The following PEAK1 variants were observed in gnomAD, a reference collection of about 807,000 sequenced individuals.
The protein encoded by PEAK1 is inactive tyrosine-protein kinase PEAK1.
PEAK1 carries 54 observed loss-of-function variants against 124.7 expected under a neutral mutation model. That is an observed-to-expected ratio of 0.43 (90% CI 0.35 to 0.54). The LOEUF is 0.54. Ranked by LOEUF, PEAK1 falls within the 20% of genes least tolerant of loss-of-function variation. The pLI is 0.01. For missense variants in PEAK1, 2,046 were observed against 2,134.5 expected (o/e 0.96, Z 0.82); for synonymous variants, 719 against 760.0 (o/e 0.95, Z 0.89).
At chr15:77,307,176 A>G (rs1481422166) in intron 2 of PEAK1, among the ~76,000 whole-genome samples, 1 of 152,102 alleles carries the variant, frequency 6.6e-6, no homozygotes, top group African/African-American at 2.4e-5. Context: ...AACCATGACC[A>G]ATAGCCAAGC....
chr15:77,330,096 T>G (rs1021099352), intron 2 of PEAK1, among the ~76,000 whole-genome samples: 2 of 151,306 alleles, frequency 1.3e-5, no homozygotes, highest in Non-Finnish European at 3.0e-5. Context: ...GTCACTTTAG[T>G]TTTTTTTTAC....
chr15:77,283,384 T>C (rs1201343876), intron 5 of PEAK1, among the ~76,000 whole-genome samples: 9 of 152,150 alleles, frequency 5.9e-5, no homozygotes, highest in Admixed American at 5.9e-4. Context: ...CAAATTTTCA[T>C]ATCTGCAGAG....
At chr15:77,238,548 C>T (rs565031522) in intron 6 of PEAK1, among the ~76,000 whole-genome samples, 11 of 152,094 alleles carry the variant, frequency 7.2e-5, no homozygotes, top group Non-Finnish European at 1.3e-4. Context: ...TGGTACTCTC[C>T]TTCATGATAT....
chr15:77,128,737 T>C (rs1167136496), intron 9 of PEAK1, among the ~76,000 whole-genome samples: 1 of 152,238 alleles, frequency 6.6e-6, no homozygotes, highest in African/African-American at 2.4e-5. Context: ...TTTGTAAGCA[T>C]GTAACTTGTG....
At chr15:77,400,928 C>T (rs1237509961) in intron 1 of PEAK1, among the ~76,000 whole-genome samples, 5 of 152,074 alleles carry the variant, frequency 3.3e-5, no homozygotes, top group Admixed American at 1.3e-4. Flanking sequence ...TTTCTAATCT[C>T]TAAAATGAGA....
At chr15:77,192,667 T>C (rs553286928) in intron 6 of PEAK1, among the ~76,000 whole-genome samples, 1 of 152,288 alleles carries the variant, frequency 6.6e-6, no homozygotes, top group African/African-American at 2.4e-5. Context: ...CCCCTGGCCC[T>C]TGTGGGTGCC....
At chr15:77,259,944 C>G (rs549794287) in intron 5 of PEAK1, among the ~76,000 whole-genome samples, 6 of 152,252 alleles carry the variant, frequency 3.9e-5, no homozygotes, top group Admixed American at 6.5e-5. Context: ...CTAAAGTAAT[C>G]TGAATAAGGG....
intron 1 of PEAK1, among the ~76,000 whole-genome samples, chr15:77,390,031 A>G (rs947219399): frequency 6.6e-6 from 1 of 152,264 alleles, no homozygotes; most frequent in Non-Finnish European, 1.5e-5. Context: ...ATTAACCCTC[A>G]TAACAACCCT....
chr15:77,225,347 C>T (rs189488375), intron 6 of PEAK1, among the ~76,000 whole-genome samples: 156 of 151,998 alleles, frequency 1.0e-3, no homozygotes, highest in African/African-American at 3.7e-3. Flanking sequence ...TGAGACAGTA[C>T]ATTTCATTTG....
intron 8 of PEAK1, chr15:77,157,155 G>A (rs537873506): frequency 6.6e-6 from 1 of 152,156 alleles, no homozygotes; most frequent in African/African-American, 2.4e-5. Flanking sequence ...TTATTTCCAA[G>A]TACACTAGCT....
In PEAK1 at chr15:77,270,857, G is replaced by T. The variant is rs183921699; in HGVS notation, c.-275+13026C>A. 9.2e-5 allele frequency among the ~76,000 whole-genome samples: 14 copies of T among 152,208 alleles called. 1 individual carries two copies. The East Asian group carries it at 2.5e-3, about 27-fold the overall frequency. Reference sequence around the variant, plus strand: ...TGTCCTCTTTTATTTCGTTGAGCAGGATGTAGGCATGGGCAAGGACTTCAT... The same window carrying T: ...TGTCCTCTTTTATTTCGTTGAGCAGTATGTAGGCATGGGCAAGGACTTCAT... On this transcript the variant is annotated intron_variant, in intron 5 of 9. Coordinates refer to ENST00000682557, the MANE Select transcript of PEAK1 (RefSeq NM_001385026.1).
intron 6 of PEAK1, among the ~76,000 whole-genome samples, chr15:77,243,043 A>G (rs2060427749): frequency 6.6e-6 from 1 of 152,234 alleles, no homozygotes; most frequent in African/African-American, 2.4e-5. Flanking sequence ...TTCAATTAAG[A>G]AAAATTAATT....
chr15:77,107,332 T>C (rs554088168), downstream of PEAK1: 57 of 152,312 alleles, frequency 3.7e-4, no homozygotes, highest in Middle Eastern at 3.4e-3. Context: ...CAGAGAGCTT[T>C]TGGGTCCACA....
intron 1 of PEAK1, chr15:77,401,470 A>T (rs2071371844): frequency 1.1e-6 from 1 of 931,356 alleles, no homozygotes; most frequent in South Asian, 5.0e-5. Flanking sequence ...CATGACAGTC[A>T]ATCTGCACTA....
chr15:77,277,957 C>T (rs989746149), intron 5 of PEAK1, among the ~76,000 whole-genome samples: 2 of 152,106 alleles, frequency 1.3e-5, no homozygotes, highest in Non-Finnish European at 2.9e-5. Context: ...TTTATCCAAA[C>T]CCATAGAATG....
intron 6 of PEAK1, among the ~76,000 whole-genome samples, chr15:77,234,668 T>A (rs189101855): frequency 6.7e-6 from 1 of 148,948 alleles, no homozygotes; most frequent in African/African-American, 2.6e-5. Context: ...TACAGAAAAT[T>A]TTTTTTTTAA....
chr15:77,379,135 A>T (rs1353333616), intron 1 of PEAK1, among the ~76,000 whole-genome samples: 1 of 152,232 alleles, frequency 6.6e-6, no homozygotes, highest in Non-Finnish European at 1.5e-5. Flanking sequence ...GAAAAAGGCA[A>T]CCTACAAATA....
intron 2 of PEAK1, among the ~76,000 whole-genome samples, chr15:77,359,332 T>C (rs1184991587): frequency 2.0e-5 from 3 of 151,508 alleles, no homozygotes; most frequent in Non-Finnish European, 4.4e-5. Context: ...CCCAGCTACT[T>C]GAGGGGCAGA....
chr15:77,315,258 T>C (rs912480178), intron 2 of PEAK1, among the ~76,000 whole-genome samples: 6 of 152,226 alleles, frequency 3.9e-5, no homozygotes, highest in Non-Finnish European at 1.5e-5. Flanking sequence ...TTTCATTTAA[T>C]ATATCAATAT....
Sources: gnomAD v4.1 joint callset for allele counts (sites outside exome capture counted in the v4.1 genomes callset) on GRCh38, gnomAD v4.1.1 for gene constraint, MANE v1.5 for transcripts, NCBI Gene and HGNC (gene_info 2026-07-23, HGNC 2026-07-21) for gene names.